The following PDE4D variants were observed in gnomAD, a reference collection of about 807,000 sequenced individuals.
PDE4D encodes the protein phosphodiesterase 4D.
A neutral mutation model predicts 87.4 loss-of-function variants in PDE4D; 24 were observed. The observed-to-expected ratio is 0.27, with a 90% CI of 0.20 to 0.39. The LOEUF is 0.39. PDE4D is among the 10% of genes least tolerant of loss of function. The pLI is 1.00. For synonymous variants in PDE4D, 384 were observed against 383.2 expected, an observed-to-expected ratio of 1.00 and a Z score of -0.02; for missense variants, 714 against 1,041.0, an observed-to-expected ratio of 0.69 and a Z score of 4.32.
chr5:60,097,573 G>GAA (rs1775804988), intron 2 of PDE4D, among the ~76,000 whole-genome samples: 1 of 151,966 alleles, frequency 6.6e-6, no homozygotes. Context: ...TTCTCTATTT[G>GAA]AGTATCTGAG....
intron 5 of PDE4D, among the ~76,000 whole-genome samples, chr5:59,088,097 T>C (rs781643493): frequency 2.6e-5 from 4 of 152,196 alleles, no homozygotes; most frequent in Admixed American, 6.5e-5. Flanking sequence ...ATGACCTTTA[T>C]TTATATTTAT....
intron 1 of PDE4D, among the ~76,000 whole-genome samples, chr5:59,497,031 C>T (rs537568891): frequency 6.6e-6 from 1 of 152,254 alleles, no homozygotes; most frequent in Non-Finnish European, 1.5e-5. Flanking sequence ...CAAGAAGCAA[C>T]GTCTCAGCCA....
At chr5:59,390,573 G>T (rs991896864) in intron 1 of PDE4D, among the ~76,000 whole-genome samples, 7 of 152,084 alleles carry the variant, frequency 4.6e-5, no homozygotes, top group Non-Finnish European at 1.0e-4. Flanking sequence ...TATTTTTCAA[G>T]TTAATATTTT....
intron 1 of PDE4D, among the ~76,000 whole-genome samples, chr5:60,286,541 C>T (rs55768789): frequency 8.1e-6 from 1 of 123,878 alleles, no homozygotes; most frequent in Admixed American, 8.6e-5. Flanking sequence ...ATGATGTGGC[C>T]GCTAAGAGAT....
intron 1 of PDE4D, among the ~76,000 whole-genome samples, chr5:60,382,490 T>G (rs747163911): frequency 2.0e-5 from 3 of 152,236 alleles, no homozygotes; most frequent in Non-Finnish European, 4.4e-5. Flanking sequence ...CACTTTTGTT[T>G]CTGCTTCCTC....
chr5:60,154,491 GTC>G (rs766964719), intron 2 of PDE4D, among the ~76,000 whole-genome samples: 2 of 152,108 alleles, frequency 1.3e-5, no homozygotes, highest in Non-Finnish European at 2.9e-5. Flanking sequence ...GGCCAGGCTG[GTC>G]TGGAACTCCT....
intron 1 of PDE4D, among the ~76,000 whole-genome samples, chr5:60,474,030 T>C (rs1315224962): frequency 1.4e-5 from 2 of 146,682 alleles, no homozygotes; most frequent in African/African-American, 5.0e-5. Context: ...ATCCACCCAG[T>C]TGGAATTTTT....
rs1278322489 is a variant in PDE4D, at chr5:60,367,023, C to A, written c.-90+120919G>T. Reference sequence around the variant, plus strand: ...CCAAGCTCCAACCACTCATCCTAATCTTTGAGATCACTCTGTCCTGGTGAA... The same window carrying A: ...CCAAGCTCCAACCACTCATCCTAATATTTGAGATCACTCTGTCCTGGTGAA... On this transcript the variant is annotated intron_variant, in intron 1 of 16. Coordinates refer to the PDE4D transcript ENST00000502484. Among the ~76,000 whole-genome samples, 55 of 152,156 alleles carry A rather than the reference C, an allele frequency of 3.6e-4. 1 individual carries two copies. Among genetic ancestry groups the A allele is most frequent in the Admixed American group, 3.6e-3 (55 of 15,278 alleles).
intron 1 of PDE4D, among the ~76,000 whole-genome samples, chr5:59,221,474 A>T (rs1414874027): frequency 6.6e-6 from 1 of 152,004 alleles, no homozygotes; most frequent in Non-Finnish European, 1.5e-5. Flanking sequence ...TTTACAAAAA[A>T]TTTTAAAATT....
intron 1 of PDE4D, among the ~76,000 whole-genome samples, chr5:60,496,643 A>G (rs1311591636): frequency 6.6e-6 from 1 of 152,210 alleles, no homozygotes; most frequent in Non-Finnish European, 1.5e-5. Context: ...GGTGCTTGAC[A>G]TGTATTTTAT....
chr5:59,285,148 C>T, intron 1 of PDE4D, among the ~76,000 whole-genome samples: 1 of 137,806 alleles, frequency 7.3e-6, no homozygotes, highest in Non-Finnish European at 1.5e-5. Flanking sequence ...ACCAGCATGG[C>T]ACATGTATAC....
At chr5:60,395,332 G>T (rs1010853342) in intron 1 of PDE4D, among the ~76,000 whole-genome samples, 5 of 151,782 alleles carry the variant, frequency 3.3e-5, no homozygotes, top group Admixed American at 6.6e-5. Context: ...AAACTTGACT[G>T]CTATTATTTA....
intron 1 of PDE4D, among the ~76,000 whole-genome samples, chr5:60,335,285 A>C (rs532057468): frequency 3.3e-5 from 5 of 152,356 alleles, no homozygotes; most frequent in African/African-American, 9.6e-5. Flanking sequence ...GAGGAATGAG[A>C]GAGTAGAAAA....
intron 5 of PDE4D, among the ~76,000 whole-genome samples, chr5:59,148,084 A>G (rs577997028): frequency 1.3e-5 from 2 of 152,282 alleles, no homozygotes; most frequent in East Asian, 3.9e-4. Context: ...TTGATATTCA[A>G]GCCAATAATT....
At chr5:60,318,269 G>A (rs910560946) in intron 1 of PDE4D, among the ~76,000 whole-genome samples, 1 of 152,098 alleles carries the variant, frequency 6.6e-6, no homozygotes, top group African/African-American at 2.4e-5. Flanking sequence ...GATCTTTGTT[G>A]GTTTAAAGTC....
chr5:59,771,466 A>AGAG (rs1491441506), intron 1 of PDE4D, among the ~76,000 whole-genome samples: 2 of 76,444 alleles, frequency 2.6e-5, no homozygotes, highest in Admixed American at 1.2e-4. Context: ...AGAAAGAAAG[A>AGAG]AAGAAAGAAA....
intron 1 of PDE4D, among the ~76,000 whole-genome samples, chr5:59,346,368 T>C (rs1779603846): frequency 6.6e-6 from 1 of 152,148 alleles, no homozygotes; most frequent in African/African-American, 2.4e-5. Flanking sequence ...AAGGGTTATC[T>C]ATAAATAGCA....
intron 1 of PDE4D, among the ~76,000 whole-genome samples, chr5:60,442,462 G>T (rs1042123992): frequency 6.6e-6 from 1 of 151,812 alleles, no homozygotes; most frequent in African/African-American, 2.4e-5. Flanking sequence ...ACTAGGGGAG[G>T]GATAGAGGAA....
chr5:60,091,918 G>T (rs900667873), intron 2 of PDE4D, among the ~76,000 whole-genome samples: 33 of 151,540 alleles, frequency 2.2e-4, no homozygotes, highest in Middle Eastern at 6.8e-3. Context: ...GGGCATGGTG[G>T]CGCGTGCCTG....
Sources: gnomAD v4.1 joint callset for allele counts (sites outside exome capture counted in the v4.1 genomes callset) on GRCh38, gnomAD v4.1.1 for gene constraint, MANE v1.5 for transcripts, NCBI Gene and HGNC (gene_info 2026-07-23, HGNC 2026-07-21) for gene names.